ODAD2: variants seen among roughly 807,000 people sequenced by gnomAD.
ODAD2 encodes the protein outer dynein arm docking complex subunit 2.
In ODAD2, 89 loss-of-function variants were observed where a neutral mutation model predicts 106.8. The ratio of observed to expected loss-of-function variants is 0.83; its 90% CI spans 0.70 to 0.99. The LOEUF (loss-of-function observed/expected upper bound fraction) is 0.99, where lower values mean the gene tolerates loss of function less well. ODAD2 is among the 50% of genes least tolerant of loss of function. The pLI, the probability that ODAD2 is intolerant of heterozygous loss-of-function variation, is 0.00. For missense variants in ODAD2, 1,168 were observed against 1,238.5 expected (o/e 0.94, Z 0.85); for synonymous variants, 404 against 436.2 (o/e 0.93, Z 0.92).
At chr10:27,972,898 A>C (rs989614909) in intron 7 of ODAD2, among the ~76,000 whole-genome samples, 4 of 152,172 alleles carry the variant, frequency 2.6e-5, no homozygotes, top group African/African-American at 9.6e-5. Flanking sequence ...ACAATCAGAC[A>C]ACTTGGCTTA....
chr10:27,959,893 T>C (rs1421215250), intron 10 of ODAD2, among the ~76,000 whole-genome samples: 3 of 152,180 alleles, frequency 2.0e-5, no homozygotes, highest in Admixed American at 6.5e-5. Flanking sequence ...TGATTTATTA[T>C]TATTATGAGC....
chr10:27,948,744 C>G (rs1847112965), intron 10 of ODAD2, among the ~76,000 whole-genome samples: 1 of 120,046 alleles, frequency 8.3e-6, no homozygotes, highest in East Asian at 2.5e-4. Flanking sequence ...TGCCCCTTTT[C>G]TTTTCAAACA....
At chr10:27,920,470 T>C (rs1421308498) in intron 16 of ODAD2, among the ~76,000 whole-genome samples, 2 of 151,966 alleles carry the variant, frequency 1.3e-5, no homozygotes, top group African/African-American at 4.8e-5. Context: ...TGTGGAAAAA[T>C]AAAACCCACA....
chr10:27,918,178 G>T lies in ODAD2; in HGVS notation c.2496-10401C>A, dbSNP rs114916912. 8.0e-3 allele frequency among the ~76,000 whole-genome samples: 1,216 copies of T among 151,926 alleles called. 21 individuals carry two copies. The highest frequency in any genetic ancestry group is 0.028 in the African/African-American group (1,143 of 41,518). ...ATAATTTCTCAACTTGTCCTATAGG[G>T]CCTGCATAAACCTGATACTAACACT... On this transcript the variant is annotated intron_variant, in intron 16 of 19. Transcript: ENST00000305242.
At chr10:27,948,258 G>C (rs1847080625) in intron 10 of ODAD2, among the ~76,000 whole-genome samples, 1 of 149,780 alleles carries the variant, frequency 6.7e-6, no homozygotes, top group Admixed American at 6.7e-5. Context: ...TTTTTTTTTA[G>C]AACAGTTTTA....
intron 10 of ODAD2, among the ~76,000 whole-genome samples, chr10:27,954,112 T>G (rs918888540): frequency 2.4e-4 from 36 of 152,336 alleles, no homozygotes; most frequent in African/African-American, 8.4e-4. Context: ...CTGATGCCTC[T>G]TATTCACTCC....
At chr10:27,939,332 A>G (rs1415308097) in intron 14 of ODAD2, among the ~76,000 whole-genome samples, 1 of 152,212 alleles carries the variant, frequency 6.6e-6, no homozygotes, top group Non-Finnish European at 1.5e-5. Flanking sequence ...CCAGATGTCA[A>G]AGCAGGTTTC....
chr10:27,834,336 C>T (rs2133039654), intron 19 of ODAD2, among the ~76,000 whole-genome samples: 1 of 152,314 alleles, frequency 6.6e-6, no homozygotes, highest in East Asian at 1.9e-4. Flanking sequence ...TCCAAAGGCG[C>T]TATCCCTTGG....
intron 6 of ODAD2, among the ~76,000 whole-genome samples, chr10:27,983,085 C>T (rs143852893): frequency 3.7e-4 from 57 of 152,306 alleles, no homozygotes; most frequent in African/African-American, 1.2e-3. Flanking sequence ...ACCCCAGCAA[C>T]GGCCCTTCTT....
intron 16 of ODAD2, among the ~76,000 whole-genome samples, chr10:27,916,513 T>C (rs2133927794): frequency 6.9e-6 from 1 of 145,168 alleles, no homozygotes; most frequent in Middle Eastern, 3.5e-3. Context: ...GTGGGACCAC[T>C]TAACATGTGG....
intron 16 of ODAD2, among the ~76,000 whole-genome samples, chr10:27,934,789 T>C (rs1845847464): frequency 1.3e-5 from 2 of 152,196 alleles, no homozygotes. Flanking sequence ...TACCGTGTAT[T>C]GTAAATCCTC....
chr10:27,973,669 C>G (rs1023831810), intron 7 of ODAD2, among the ~76,000 whole-genome samples: 3 of 152,128 alleles, frequency 2.0e-5, no homozygotes, highest in African/African-American at 7.2e-5. Context: ...ACCACATTTT[C>G]TTTATCCAGT....
chr10:27,826,311 C>T (rs1009621183), intron 19 of ODAD2, among the ~76,000 whole-genome samples: 18 of 152,278 alleles, frequency 1.2e-4, no homozygotes, highest in East Asian at 3.9e-4. Flanking sequence ...ACCAGGCTTC[C>T]GGATCATGTA....
At chr10:27,864,525 C>CGGGGAGTGAGGTGAGAGT (rs1424367234) in intron 17 of ODAD2, among the ~76,000 whole-genome samples, 3 of 131,608 alleles carry the variant, frequency 2.3e-5, no homozygotes, top group African/African-American at 9.3e-5. Context: ...GAGGTGAGAG[C>CGGGGAGTGAGGTGAGAGT]GGGGAGTGAG....
At chr10:27,983,471 C>T (rs373472300) in intron 6 of ODAD2, among the ~76,000 whole-genome samples, 12 of 152,356 alleles carry the variant, frequency 7.9e-5, no homozygotes, top group Admixed American at 1.3e-4. Flanking sequence ...CCCTTTGTCC[C>T]TCCAACTCTT....
intron 17 of ODAD2, chr10:27,904,390 T>A: frequency 5.7e-6 from 1 of 175,352 alleles, no homozygotes; most frequent in South Asian, 1.3e-4. Context: ...GCATGAGAAT[T>A]GCTTAAGCCC....
intron 17 of ODAD2, among the ~76,000 whole-genome samples, chr10:27,872,951 T>G (rs1841024863): frequency 6.6e-6 from 1 of 152,156 alleles, no homozygotes; most frequent in African/African-American, 2.4e-5. Flanking sequence ...CTCCTTGTAC[T>G]TCTGGTAGCA....
At chr10:27,917,111 T>A (rs1021512513) in intron 16 of ODAD2, among the ~76,000 whole-genome samples, 1 of 152,184 alleles carries the variant, frequency 6.6e-6, no homozygotes, top group Non-Finnish European at 1.5e-5. Context: ...GCAAATGGAA[T>A]ATTGACAAAT....
At chr10:27,857,549 G>A (rs1839745927) in intron 19 of ODAD2, among the ~76,000 whole-genome samples, 8 of 152,166 alleles carry the variant, frequency 5.3e-5, no homozygotes. Context: ...GTGACTGCTA[G>A]AAAATTTAAT....
Sources: gnomAD v4.1 joint callset for allele counts (sites outside exome capture counted in the v4.1 genomes callset) on GRCh38, gnomAD v4.1.1 for gene constraint, MANE v1.5 for transcripts, NCBI Gene and HGNC (gene_info 2026-07-23, HGNC 2026-07-21) for gene names.